DIXDC1: variants seen among roughly 807,000 people sequenced by gnomAD.
The protein encoded by DIXDC1 is DIX domain containing 1.
A neutral mutation model predicts 103.1 loss-of-function variants in DIXDC1; 64 were observed. The observed-to-expected ratio is 0.62, with a 90% CI of 0.51 to 0.76. DIXDC1 has a LOEUF of 0.76. DIXDC1 is among the 30% of genes least tolerant of loss of function. DIXDC1 has a pLI of 0.00. For missense variants in DIXDC1, 759 were observed against 834.2 expected (o/e 0.91, Z 1.11); for synonymous variants, 266 against 298.5 (o/e 0.89, Z 1.12).
Position 111,977,954 on chromosome 11 carries a change from G to C in DIXDC1, c.657-2783G>C, listed in dbSNP as rs1029801801. Reference sequence around the variant, plus strand: ...GTTATCACTATAAAATACGGTGGGCGTAGGAAGTGGAGCCAGCATGGGGGG... The same window carrying C: ...GTTATCACTATAAAATACGGTGGGCCTAGGAAGTGGAGCCAGCATGGGGGG... On this transcript the variant is annotated intron_variant, in intron 5 of 19. Coordinates refer to ENST00000440460, the MANE Select transcript of DIXDC1 (RefSeq NM_001037954.4). This position sits in a 1 kb window ranked among gnomAD's most constrained non-coding sequence, Gnocchi z 6.1. Among the ~76,000 whole-genome samples the C allele has an allele frequency of 6.6e-6, 1 of 152,082 alleles. No individual in the cohort carries two copies. Among genetic ancestry groups the C allele is most frequent in the African/African-American group, 2.4e-5 (1 of 41,426 alleles).
intron 1 of DIXDC1, among the ~76,000 whole-genome samples, chr11:111,943,034 AAAGGGATGAGTC>A: frequency 6.6e-6 from 1 of 152,368 alleles, no homozygotes; most frequent in East Asian, 1.9e-4. Flanking sequence ...TATGCTGGAC[AAAGGGATGAGTC>A]ACGTCTTGGG....
intron 7 of DIXDC1, among the ~76,000 whole-genome samples, 153 bp from the exon 8 acceptor site, chr11:111,985,079 C>G (rs1555173665): frequency 6.6e-6 from 1 of 152,184 alleles, no homozygotes; most frequent in Non-Finnish European, 1.5e-5. Context: ...CCAGGGTGAG[C>G]AATGGGAAGT....
upstream of DIXDC1, among the ~76,000 whole-genome samples, chr11:111,935,166 C>T (rs782460167): frequency 3.9e-5 from 6 of 152,210 alleles, no homozygotes; most frequent in Non-Finnish European, 8.8e-5. Context: ...ATTCCTCCAG[C>T]ATGCTGTGAT....
upstream of DIXDC1, among the ~76,000 whole-genome samples, chr11:111,933,715 A>G (rs1261148014): frequency 6.7e-6 from 1 of 148,844 alleles, no homozygotes; most frequent in Non-Finnish European, 1.5e-5. Context: ...AAAAAAAGAC[A>G]TTATTCCAAG....
rs1555172629 is a variant in DIXDC1, at chr11:111,976,633, G to A, written c.656+1650G>A. On this transcript the variant is annotated intron_variant, in intron 5 of 19. Coordinates refer to ENST00000440460, the MANE Select transcript of DIXDC1 (RefSeq NM_001037954.4). This position sits in a 1 kb window ranked among gnomAD's most constrained non-coding sequence, Gnocchi z 4.3. ...TCGCCCCCAGGGAGCCCACTTAGTGGCTCTGTGACCCATGAAGAGCCCAGG... is the reference window on the plus strand; with the variant it reads ...TCGCCCCCAGGGAGCCCACTTAGTGACTCTGTGACCCATGAAGAGCCCAGG... 6.6e-6 allele frequency among the ~76,000 whole-genome samples: 1 copy of A among 152,060 alleles called. No homozygotes were observed. The highest frequency in any genetic ancestry group is 1.5e-5 in the Non-Finnish European group (1 of 68,012).
chr11:111,987,363 C>T (rs1454362132), intron 9 of DIXDC1, among the ~76,000 whole-genome samples: 1 of 152,034 alleles, frequency 6.6e-6, no homozygotes, highest in Non-Finnish European at 1.5e-5. Flanking sequence ...GAGAGAGATA[C>T]ATCCCAAATA....
intron 1 of DIXDC1, among the ~76,000 whole-genome samples, chr11:111,959,673 T>G (rs1555170896): frequency 1.3e-5 from 2 of 152,206 alleles, no homozygotes; most frequent in Non-Finnish European, 2.9e-5. Context: ...CACTCAAGGA[T>G]CCCATAACAT....
At chr11:111,988,968 G>T in intron 9 of DIXDC1, 37 bp from the exon 10 acceptor site, 2 of 1,592,086 alleles carry the variant, frequency 1.3e-6, no homozygotes, top group South Asian at 2.3e-5. Context: ...AAGCAACCCA[G>T]ATGTCACCAT....
At chr11:111,992,879 A>C in intron 11 of DIXDC1, 72 bp from the exon 12 acceptor site, 1 of 1,473,198 alleles carries the variant, frequency 6.8e-7, no homozygotes, top group East Asian at 2.4e-5. Flanking sequence ...TTAACTGGTT[A>C]CTAAGTAGCT....
At chr11:112,006,083 A>C (rs1861228645) in intron 17 of DIXDC1, among the ~76,000 whole-genome samples, 1 of 152,200 alleles carries the variant, frequency 6.6e-6, no homozygotes, top group Admixed American at 6.5e-5. Flanking sequence ...CTCCTCCCCC[A>C]AATACTGCGC....
In DIXDC1 at chr11:112,022,542, A is replaced by T. The variant is rs782106891; in HGVS notation, c.*3506A>T. ...ATGTACCAGATTTGTGAACTAATTT[A>T]AAAAACCACAAACTATGAATAAAAT... On this transcript the variant is annotated 3_prime_UTR_variant, in exon 20 of 20. Coordinates refer to ENST00000440460, the MANE Select transcript of DIXDC1 (RefSeq NM_001037954.4). The surrounding 1 kb of genome is among the most constrained non-coding windows in gnomAD (Gnocchi z 4.9). 1 of 152,628 alleles carries T rather than the reference A, an allele frequency of 6.6e-6. No homozygotes were observed. Among genetic ancestry groups the T allele is most frequent in the Non-Finnish European group, 1.5e-5 (1 of 68,028 alleles). The allele number at this position is 152,628 out of a possible 1,614,324, so 9.5% of individuals were successfully genotyped here. A position where few individuals can be genotyped will look rare whatever the true frequency, so the allele number is the denominator to read the frequency against.
chr11:111,971,234 A>C (rs1859913267), intron 3 of DIXDC1, among the ~76,000 whole-genome samples: 1 of 152,252 alleles, frequency 6.6e-6, no homozygotes, highest in African/African-American at 2.4e-5. Flanking sequence ...AATCTGACAA[A>C]GGTCTAATAT....
rs71461600 is a variant in DIXDC1, at chr11:111,955,987, T to TACACACACACACAC, written c.61-8539_61-8526dup. ...AAAATGTGGTGCATATATATATGTG[T>TACACACACACACAC]ACACACACACACACACACACACACA... is the stretch of plus-strand genomic sequence containing the variant. On this transcript the variant is annotated intron_variant, in intron 1 of 19. Transcript: ENST00000440460. Among the ~76,000 whole-genome samples, 635 of 142,610 alleles carry TACACACACACACAC rather than the reference T, an allele frequency of 4.5e-3. 4 individuals carry two copies. Among genetic ancestry groups the TACACACACACACAC allele is most frequent in the African/African-American group, 0.015 (570 of 38,444 alleles). 93.6% of individuals were successfully genotyped at this position (142,610 alleles called of 152,430 possible). A position where few individuals can be genotyped will look rare whatever the true frequency, so the allele number is the denominator to read the frequency against.
intron 1 of DIXDC1, among the ~76,000 whole-genome samples, chr11:111,944,133 C>T (rs1364268314): frequency 6.6e-6 from 1 of 152,152 alleles, no homozygotes; most frequent in Non-Finnish European, 1.5e-5. Flanking sequence ...CAGCAACTTC[C>T]CCACCCTCAT....
chr11:111,986,335 C>T, intron 8 of DIXDC1, among the ~76,000 whole-genome samples: 1 of 150,272 alleles, frequency 6.7e-6, no homozygotes, highest in Non-Finnish European at 1.5e-5. Flanking sequence ...CCACCCCCTC[C>T]CCTGCACCCA....
chr11:111,999,447 G>A (rs183316640), intron 17 of DIXDC1, among the ~76,000 whole-genome samples: 1 of 152,198 alleles, frequency 6.6e-6, no homozygotes, highest in Non-Finnish European at 1.5e-5. Context: ...CTATAGATCA[G>A]TGACTTAAAT....
At chr11:111,966,397 ATTTTTTTTTTT>A (rs1221666046) in intron 2 of DIXDC1, among the ~76,000 whole-genome samples, 8 of 58,646 alleles carry the variant, frequency 1.4e-4, no homozygotes, top group South Asian at 5.4e-4. Flanking sequence ...TAATTTTTGT[ATTTTTTTTTTT>A]TTTTTTTTTT....
chr11:111,938,889 A>G (rs782566218), intron 1 of DIXDC1, among the ~76,000 whole-genome samples: 1 of 152,234 alleles, frequency 6.6e-6, no homozygotes, highest in East Asian at 1.9e-4. Flanking sequence ...ACTGCAGGGC[A>G]CCTCATCTTT....
intron 17 of DIXDC1, among the ~76,000 whole-genome samples, chr11:112,001,267 T>C (rs1466131710): frequency 3.3e-5 from 5 of 152,072 alleles, no homozygotes; most frequent in Non-Finnish European, 7.4e-5. Flanking sequence ...AGACCAAAAG[T>C]AGAGTGGGTT....
Sources: gnomAD v4.1 joint callset for allele counts (sites outside exome capture counted in the v4.1 genomes callset) on GRCh38, gnomAD v4.1.1 for gene constraint, Gnocchi (gnomAD v3.1) non-coding constraint, MANE v1.5 for transcripts, NCBI Gene and HGNC (gene_info 2026-07-23, HGNC 2026-07-21) for gene names.